Variants in GNG7 observed in about 807,000 individuals in gnomAD.
GNG7 encodes G protein subunit gamma 7, also known as guanine nucleotide-binding protein G(I)/G(S)/G(O) subunit gamma-7.
GNG7 carries 1 observed loss-of-function variant against 4.0 expected under a neutral mutation model. The observed-to-expected ratio is 0.25, with a 90% CI of 0.09 to 1.18. The LOEUF is 1.18. GNG7 is among the 50% of genes most tolerant of loss of function. The probability of loss-of-function intolerance (pLI) is 0.50; values close to 1 mark genes in which losing one functional copy is unlikely to be tolerated. For missense variants in GNG7, 86 were observed against 91.9 expected (o/e 0.94, Z 0.26); for synonymous variants, 34 against 36.9 (o/e 0.92, Z 0.29).
intron 2 of GNG7, among the ~76,000 whole-genome samples, chr19:2,562,881 G>A (rs1368074677): frequency 1.3e-5 from 2 of 152,200 alleles, no homozygotes; most frequent in East Asian, 3.8e-4. Flanking sequence ...TACACCATCG[G>A]CCCCATCGGG....
intron 2 of GNG7, among the ~76,000 whole-genome samples, chr19:2,599,027 G>A (rs1981119962): frequency 6.6e-6 from 1 of 152,190 alleles, no homozygotes; most frequent in South Asian, 2.1e-4. Flanking sequence ...TGAAGAGGGG[G>A]AGAGGCGGGC....
Position 2,659,610 on chromosome 19 carries a change from A to AAAAAAAAAAAAAG in GNG7, c.-134-13331_-134-13330insCTTTTTTTTTTTT, listed in dbSNP as rs5826778. On this transcript the variant is annotated intron_variant, in intron 1 of 4. Coordinates refer to ENST00000382159, the MANE Select transcript of GNG7 (RefSeq NM_052847.3). Reference sequence around the variant, plus strand: ...TCCATCTTAAAAAAAAAAAAAAAAAAAGAGAGGAGGGGAGGGAAAGAGGGA... The same window carrying AAAAAAAAAAAAAG: ...TCCATCTTAAAAAAAAAAAAAAAAAAAAAAAAAAAAAAGAGAGAGGAGGGGAGGGAAAGAGGGA... 2.9e-4 allele frequency among the ~76,000 whole-genome samples: 35 copies of AAAAAAAAAAAAAG among 121,466 alleles called. 1 individual carries two copies. The highest frequency in any genetic ancestry group is 9.5e-4 in the African/African-American group (29 of 30,596). 79.7% of individuals were successfully genotyped at this position (121,466 alleles called of 152,430 possible).
chr19:2,576,068 C>T (rs112546443), intron 2 of GNG7, among the ~76,000 whole-genome samples: 131 of 130,082 alleles, frequency 1.0e-3, no homozygotes, highest in African/African-American at 4.1e-3. Context: ...CTCAGGTACA[C>T]GCAGACATGC....
intron 2 of GNG7, among the ~76,000 whole-genome samples, chr19:2,570,599 C>T (rs182663411): frequency 2.6e-5 from 4 of 152,220 alleles, no homozygotes; most frequent in South Asian, 2.1e-4. Flanking sequence ...TCCCTAAGGA[C>T]GCAGCCCCAT....
chr19:2,669,316 C>G (rs1043910213), intron 1 of GNG7, among the ~76,000 whole-genome samples: 1 of 151,982 alleles, frequency 6.6e-6, no homozygotes, highest in African/African-American at 2.4e-5. Flanking sequence ...ATGGTGAAAC[C>G]CCATCTCTAC....
At chr19:2,632,974 T>C (rs1416333225) in intron 2 of GNG7, 3 of 152,286 alleles carry the variant, frequency 2.0e-5, no homozygotes, top group Non-Finnish European at 4.4e-5. Flanking sequence ...ACCCTGCTGG[T>C]GGGACAGGGG....
At chr19:2,666,780 C>T (rs1240371772) in intron 1 of GNG7, among the ~76,000 whole-genome samples, 3 of 152,208 alleles carry the variant, frequency 2.0e-5, no homozygotes, top group Non-Finnish European at 2.9e-5. Flanking sequence ...ATGGGCATGG[C>T]CCATCGTGTG....
Position 2,557,214 on chromosome 19 carries a change from C to G in GNG7, c.-77-2026G>C, listed in dbSNP as rs558481880. On this transcript the variant is annotated intron_variant, in intron 2 of 4. Coordinates refer to ENST00000382159, the MANE Select transcript of GNG7 (RefSeq NM_052847.3). The surrounding 1 kb of genome is among the most constrained non-coding windows in gnomAD (Gnocchi z 5.1). The stretch of plus-strand genomic sequence containing the variant: ...GTGCACACACATTTGCATGCACACA[C>G]AGACACACATGCACACACAGACGCA... Among the ~76,000 whole-genome samples the G allele has an allele frequency of 1.3e-5, 2 of 151,418 alleles. No individual in the cohort carries two copies. Among genetic ancestry groups the G allele is most frequent in the Admixed American group, 1.3e-4 (2 of 15,236 alleles).
chr19:2,680,467 A>T (rs1002095133), intron 1 of GNG7, among the ~76,000 whole-genome samples: 6 of 152,162 alleles, frequency 3.9e-5, no homozygotes, highest in East Asian at 3.9e-4. Context: ...TCTATTTTTT[A>T]AAAAATTAAA....
Position 2,637,560 on chromosome 19 carries a change from T to C in GNG7, c.-78+8664A>G, listed in dbSNP as rs374018446. On this transcript the variant is annotated intron_variant, in intron 2 of 4. Coordinates refer to ENST00000382159, the MANE Select transcript of GNG7 (RefSeq NM_052847.3). ...GCTCAATGAATGACTAGCAACATTA[T>C]TAAAAGATCAGGAAAAGCCCGCATC... Among the ~76,000 whole-genome samples, 16 of 152,126 alleles carry C rather than the reference T, an allele frequency of 1.1e-4. No homozygotes were observed. The East Asian group carries it at 1.9e-3, about 18-fold the overall frequency.
Position 2,568,176 on chromosome 19 carries a change from T to C in GNG7, c.-77-12988A>G, listed in dbSNP as rs146019890. 2.0e-3 allele frequency among the ~76,000 whole-genome samples: 283 copies of C among 141,490 alleles called. 1 individual carries two copies. The highest frequency in any genetic ancestry group is 0.017 in the Middle Eastern group (4 of 234). 92.8% of individuals were successfully genotyped at this position (141,490 alleles called of 152,430 possible). A position where few individuals can be genotyped will look rare whatever the true frequency, so the allele number is the denominator to read the frequency against. ...ACACATACACATACATACACACACA[T>C]ACACACATGCACATACACACACATA... On this transcript the variant is annotated intron_variant, in intron 2 of 4. Transcript: ENST00000382159.
intron 2 of GNG7, chr19:2,610,840 G>T (rs1460714391): frequency 6.6e-6 from 1 of 151,816 alleles, no homozygotes; most frequent in African/African-American, 2.4e-5. Context: ...CAGGGACCCA[G>T]GTGGCCCCTG....
At chr19:2,523,876 C>T (rs541389653) in intron 3 of GNG7, among the ~76,000 whole-genome samples, 93 of 152,286 alleles carry the variant, frequency 6.1e-4, no homozygotes, top group African/African-American at 2.1e-3. Context: ...TGGTTTCCAG[C>T]AGACGTCCCA....
chr19:2,620,803 T>C (rs1406365587), intron 2 of GNG7, among the ~76,000 whole-genome samples: 1 of 152,152 alleles, frequency 6.6e-6, no homozygotes, highest in East Asian at 1.9e-4. Flanking sequence ...ATCGTGCCAT[T>C]GCACTCTGGC....
Position 2,593,682 on chromosome 19 carries a change from T to A in GNG7, c.-77-38494A>T, listed in dbSNP as rs150644240. ...TCGCTTGAACCTGGGACACGGAGCT[T>A]GCAGTGAGCCGAGATTGTGCCACTG... is the stretch of plus-strand genomic sequence containing the variant. On this transcript the variant is annotated intron_variant, in intron 2 of 4. Transcript: ENST00000382159. 1.2e-3 allele frequency among the ~76,000 whole-genome samples: 185 copies of A among 151,580 alleles called. 1 individual carries two copies. The highest frequency in any genetic ancestry group is 4.3e-3 in the African/African-American group (176 of 41,280).
chr19:2,655,700 G>A (rs1348106753), intron 1 of GNG7, among the ~76,000 whole-genome samples: 5 of 151,792 alleles, frequency 3.3e-5, no homozygotes, highest in East Asian at 1.9e-4. Flanking sequence ...TTAGCCGGGC[G>A]TGGTGGCGGG....
At chr19:2,558,059 C>T (rs577734852) in intron 2 of GNG7, among the ~76,000 whole-genome samples, 8 of 151,896 alleles carry the variant, frequency 5.3e-5, no homozygotes, top group Non-Finnish European at 1.2e-4. Flanking sequence ...GCCAGGATGG[C>T]CTTGATCTCC....
intron 2 of GNG7, among the ~76,000 whole-genome samples, chr19:2,613,986 C>G (rs144977959): frequency 6.6e-6 from 1 of 152,216 alleles, no homozygotes; most frequent in South Asian, 2.1e-4. Context: ...ACGGCCACAG[C>G]GACATCTAAA....
intron 3 of GNG7, among the ~76,000 whole-genome samples, chr19:2,523,253 G>T (rs1326289935): frequency 6.6e-6 from 1 of 151,008 alleles, no homozygotes; most frequent in Non-Finnish European, 1.5e-5. Flanking sequence ...ATAGGTCTCT[G>T]TATAAAAGGG....
Sources: gnomAD v4.1 joint callset for allele counts (sites outside exome capture counted in the v4.1 genomes callset) on GRCh38, gnomAD v4.1.1 for gene constraint, Gnocchi (gnomAD v3.1) non-coding constraint, MANE v1.5 for transcripts, NCBI Gene and HGNC (gene_info 2026-07-23, HGNC 2026-07-21) for gene names.